The following PJA2 variants were observed in gnomAD, a reference collection of about 807,000 sequenced individuals.
PJA2 encodes praja ring finger ubiquitin ligase 2.
A neutral mutation model predicts 69.3 loss-of-function variants in PJA2; 25 were observed. That is an observed-to-expected ratio of 0.36 (90% CI 0.26 to 0.50). PJA2 has a LOEUF of 0.50. Ranked by LOEUF, PJA2 falls within the 20% of genes least tolerant of loss-of-function variation. PJA2 has a pLI of 0.96. For missense variants in PJA2, 809 were observed against 830.2 expected (o/e 0.97, Z 0.31); for synonymous variants, 308 against 277.8 (o/e 1.11, Z -1.08).
rs1157330941 is a variant in PJA2, at chr5:109,334,952, A to T, written c.*2279T>A. 1 of 152,654 alleles carries T rather than the reference A, an allele frequency of 6.6e-6. No homozygotes were observed. Among genetic ancestry groups the T allele is most frequent in the Non-Finnish European group, 1.5e-5 (1 of 68,038 alleles). The allele number at this position is 152,654 out of a possible 1,614,324, so 9.5% of individuals were successfully genotyped here. A position where few individuals can be genotyped will look rare whatever the true frequency, so the allele number is the denominator to read the frequency against. ...CCACATAGATCTACCTTTAAATATC[A>T]GCATTCATATTATAAGAAATAAGAA... On this transcript the variant is annotated 3_prime_UTR_variant, in exon 10 of 10. Transcript: ENST00000361189.
At chr5:109,395,675 A>G (rs897000407) in intron 1 of PJA2, among the ~76,000 whole-genome samples, 1 of 152,208 alleles carries the variant, frequency 6.6e-6, no homozygotes, top group Non-Finnish European at 1.5e-5. Context: ...CTTGTTTTAA[A>G]GACATGTAGC....
chr5:109,408,510 A>T (rs1747747104), intron 1 of PJA2, among the ~76,000 whole-genome samples: 1 of 152,134 alleles, frequency 6.6e-6, no homozygotes, highest in Admixed American at 6.5e-5. Flanking sequence ...GTATGCAAAC[A>T]TGTTTGGTAT....
chr5:109,347,668 C>T (rs1316527570), intron 7 of PJA2, among the ~76,000 whole-genome samples: 2 of 151,502 alleles, frequency 1.3e-5, no homozygotes, highest in Admixed American at 1.3e-4. Context: ...AGCACAGTAC[C>T]ATAAATACTC....
At chr5:109,354,390 C>CTAGAGATATCTATAGATTAGATATCTA (rs1762364539) in intron 7 of PJA2, among the ~76,000 whole-genome samples, 2 of 74,884 alleles carry the variant, frequency 2.7e-5, no homozygotes, top group African/African-American at 7.0e-5. Flanking sequence ...TTAGATATCT[C>CTAGAGATATCTATAGATTAGATATCTA]TGATATCTAG....
At chr5:109,400,964 C>T (rs770066188) in intron 1 of PJA2, among the ~76,000 whole-genome samples, 2 of 151,886 alleles carry the variant, frequency 1.3e-5, no homozygotes, top group Admixed American at 6.6e-5. Flanking sequence ...GCCTGGGAGA[C>T]AAAGCAAGAC....
At chr5:109,354,862 C>G (rs779096130) in intron 7 of PJA2, among the ~76,000 whole-genome samples, 49 of 151,788 alleles carry the variant, frequency 3.2e-4, no homozygotes, top group Non-Finnish European at 5.4e-4. Context: ...TGTCTATAAT[C>G]CCAGTGCCAT....
At chr5:109,366,548 C>A (rs1271831440) in intron 5 of PJA2, among the ~76,000 whole-genome samples, 4 of 152,186 alleles carry the variant, frequency 2.6e-5, no homozygotes, top group African/African-American at 9.7e-5. Context: ...ATATCTTCAT[C>A]ATTTACCTTC....
chr5:109,397,496 G>C (rs1283269543), intron 1 of PJA2, among the ~76,000 whole-genome samples: 1 of 143,912 alleles, frequency 6.9e-6, no homozygotes, highest in Non-Finnish European at 1.5e-5. Context: ...TCTCCTAGTA[G>C]AAAAAAAAAA....
At chr5:109,394,960 G>A (rs553531600) in intron 1 of PJA2, among the ~76,000 whole-genome samples, 1 of 152,252 alleles carries the variant, frequency 6.6e-6, no homozygotes, top group African/African-American at 2.4e-5. Flanking sequence ...ACAATTCAAA[G>A]CCACAACTCA....
chr5:109,367,445 C>A, intron 5 of PJA2, among the ~76,000 whole-genome samples: 1 of 150,936 alleles, frequency 6.6e-6, no homozygotes, highest in Non-Finnish European at 1.5e-5. Flanking sequence ...AGAATTAGAA[C>A]CAATTATCAT....
chr5:109,351,264 A>T (rs1191843173), intron 7 of PJA2, among the ~76,000 whole-genome samples: 1 of 152,152 alleles, frequency 6.6e-6, no homozygotes, highest in East Asian at 1.9e-4. Flanking sequence ...ACGTTTTTCA[A>T]CCTTACATTC....
At chr5:109,339,767 T>G (rs1047279876) in intron 9 of PJA2, among the ~76,000 whole-genome samples, 1 of 152,242 alleles carries the variant, frequency 6.6e-6, no homozygotes, top group African/African-American at 2.4e-5. Flanking sequence ...GTTTACTATG[T>G]GCCAAACACT....
At chr5:109,394,653 C>T (rs1747367513) in intron 1 of PJA2, among the ~76,000 whole-genome samples, 1 of 152,108 alleles carries the variant, frequency 6.6e-6, no homozygotes. Flanking sequence ...CTGTCTAAGA[C>T]ACTTCAGAAT....
rs771680107 is a variant in PJA2 at position 109,344,833 on chromosome 5, G to A, written c.1765-14C>T. ...GGCCAGAGCAGTCTGAAAAACAAAAGGTACAGTTCTTTGTTAGAAATACTT... is the reference window on the plus strand; with the variant it reads ...GGCCAGAGCAGTCTGAAAAACAAAAAGTACAGTTCTTTGTTAGAAATACTT... On this transcript the variant is annotated splice_polypyrimidine_tract_variant and intron_variant, in intron 7 of 9. Coordinates refer to ENST00000361189, the MANE Select transcript of PJA2 (RefSeq NM_014819.5). 6 of 1,534,978 alleles carry A rather than the reference G, an allele frequency of 3.9e-6. No homozygotes were observed. In the African/African-American group the frequency reaches 8.2e-5, roughly 21 times the overall value.
chr5:109,374,704 G>C (rs961388121), intron 4 of PJA2, among the ~76,000 whole-genome samples: 31 of 152,114 alleles, frequency 2.0e-4, no homozygotes, highest in Admixed American at 3.3e-4. Context: ...CTTAAGTAAG[G>C]TTTTTAAATT....
intron 4 of PJA2, among the ~76,000 whole-genome samples, chr5:109,372,941 A>AAAAGAAAG (rs1762700893): frequency 6.7e-6 from 1 of 148,422 alleles, no homozygotes; most frequent in Non-Finnish European, 1.5e-5. Context: ...GAAAGAAAAA[A>AAAAGAAAG]AAATTAGCCA....
chr5:109,381,393 T>C, intron 3 of PJA2, 110 bp downstream of exon 3: 1 of 697,756 alleles, frequency 1.4e-6, no homozygotes, highest in South Asian at 2.0e-5. Flanking sequence ...TGATAGGAAG[T>C]GTGCTGCATT....
At chr5:109,351,878 A>C (rs1762259111) in intron 7 of PJA2, among the ~76,000 whole-genome samples, 1 of 152,180 alleles carries the variant, frequency 6.6e-6, no homozygotes, top group South Asian at 2.1e-4. Context: ...ATATAAAAGA[A>C]ATAATCATAA....
At chr5:109,403,912 T>A (rs562402605) in intron 1 of PJA2, among the ~76,000 whole-genome samples, 3 of 149,648 alleles carry the variant, frequency 2.0e-5, no homozygotes, top group Admixed American at 2.0e-4. Flanking sequence ...TCTACAAAAA[T>A]ACAAAAAAGT....
Sources: allele counts gnomAD v4.1 joint callset (sites outside exome capture counted in the v4.1 genomes callset), GRCh38; gene constraint gnomAD v4.1.1; transcripts MANE v1.5; gene names NCBI Gene and HGNC (gene_info 2026-07-23, HGNC 2026-07-21).